STEAP1B: variants seen among roughly 807,000 people sequenced by gnomAD.
STEAP1B encodes STEAP family protein MGC87042.
In STEAP1B, 13 loss-of-function variants were observed where a neutral mutation model predicts 27.9. The ratio of observed to expected loss-of-function variants is 0.47; its 90% CI spans 0.30 to 0.74. The LOEUF (loss-of-function observed/expected upper bound fraction) is 0.74, where lower values mean the gene tolerates loss of function less well. Among genes scored for constraint, STEAP1B ranks in the 30% least tolerant of loss-of-function variants. STEAP1B has a pLI of 0.06. For missense variants in STEAP1B, 250 were observed against 298.7 expected (o/e 0.84, Z 1.20); for synonymous variants, 86 against 107.1 (o/e 0.80, Z 1.22).
rs967655718 is a variant in STEAP1B, at chr7:22,419,610, G to GCT, written c.*192_*193dup. Reference sequence around the variant, plus strand: ...CACAACACATATGGACTTTTTGTTTGCTCTCTCATGAGTCCGCTGGGGGAT... The same window carrying GCT: ...CACAACACATATGGACTTTTTGTTTGCTCTCTCTCATGAGTCCGCTGGGGGAT... On this transcript the variant is annotated 3_prime_UTR_variant, in exon 5 of 5. Coordinates refer to ENST00000678116, the MANE Select transcript of STEAP1B (RefSeq NM_001382447.1). 2.1e-6 allele frequency: 1 copy of GCT among 487,776 alleles called. No homozygotes were observed. Among genetic ancestry groups the GCT allele is most frequent in the African/African-American group, 2.0e-5 (1 of 50,930 alleles). 30.2% of individuals were successfully genotyped at this position (487,776 alleles called of 1,614,324 possible). A position where few individuals can be genotyped will look rare whatever the true frequency, so the allele number is the denominator to read the frequency against.
intron 4 of STEAP1B, among the ~76,000 whole-genome samples, chr7:22,452,198 A>C (rs868117665): frequency 6.6e-6 from 1 of 152,218 alleles, no homozygotes. Context: ...TAAGTAAGGA[A>C]AGACTCTGGA....
chr7:22,464,827 A>G (rs1785745016), intron 4 of STEAP1B, among the ~76,000 whole-genome samples: 1 of 150,598 alleles, frequency 6.6e-6, no homozygotes, highest in Non-Finnish European at 1.5e-5. Context: ...CTGTTAAGAC[A>G]CCAGTCTGGT....
chr7:22,440,659 T>C (rs1416549064), intron 4 of STEAP1B, among the ~76,000 whole-genome samples: 2 of 152,168 alleles, frequency 1.3e-5, no homozygotes, highest in African/African-American at 4.8e-5. Flanking sequence ...TCAAGTTTAT[T>C]AATCACAAAT....
At chr7:22,419,960 C>A (rs1785024851) in intron 4 of STEAP1B, 124 bp from the exon 5 acceptor site, 2 of 1,171,222 alleles carry the variant, frequency 1.7e-6, no homozygotes, top group African/African-American at 1.6e-5. Context: ...TCTAAAGTCA[C>A]CAGGGAGTCA....
Position 22,492,615 on chromosome 7 carries a change from T to A in STEAP1B, c.712A>T (p.Ile238Phe). ...AILALLAVTS[I>F]PSVSDSLTWR... The stretch of plus-strand genomic sequence containing the variant: ...GTCAAAGAGTCACTCACAGATGGAA[T>A]AGATGTCACAGCCAACAGAGCCAGT... Residue 238 changes from isoleucine (I) to phenylalanine (F), a missense_variant, in exon 4 of 5, where the codon ATT (isoleucine) becomes TTT (phenylalanine). By Grantham distance (21) the Ile-to-Phe change is conservative (BLOSUM62 0). Coordinates refer to ENST00000678116, the MANE Select transcript of STEAP1B (RefSeq NM_001382447.1). 3 of 1,613,514 alleles carry A rather than the reference T, an allele frequency of 1.9e-6. No homozygotes were observed. The highest frequency in any genetic ancestry group is 2.2e-5 in the East Asian group (1 of 44,854).
At chr7:22,495,586 A>G (rs1373856255) in intron 1 of STEAP1B, 1 of 152,236 alleles carries the variant, frequency 6.6e-6, no homozygotes, top group African/African-American at 2.4e-5. Context: ...TTAGGGAAAG[A>G]AAACATATGT....
At chr7:22,461,520 C>T (rs964069031) in intron 4 of STEAP1B, among the ~76,000 whole-genome samples, 1 of 152,178 alleles carries the variant, frequency 6.6e-6, no homozygotes, top group African/African-American at 2.4e-5. Flanking sequence ...GCCTCAGCCT[C>T]CCAAAGTGCT....
chr7:22,488,014 G>A (rs1412826486), intron 4 of STEAP1B, among the ~76,000 whole-genome samples: 1 of 152,058 alleles, frequency 6.6e-6, no homozygotes, highest in African/African-American at 2.4e-5. Flanking sequence ...TAACCCATTT[G>A]TGAGGTTGAG....
At chr7:22,493,181 T>C (rs535286723) in intron 3 of STEAP1B, 143 bp downstream of exon 3, 6 of 1,082,232 alleles carry the variant, frequency 5.5e-6, no homozygotes, top group Non-Finnish European at 7.7e-6. Context: ...CCTAGTGTAA[T>C]TATAAGAAAA....
Position 22,488,819 on chromosome 7 carries a change from G to A in STEAP1B, c.762+3746C>T, listed in dbSNP as rs141393520. ...TTACACCCCAGTCATGCAGCCCTCA[G>A]TTTTCTAGCCTTTGAGCCAGTGCAC... On this transcript the variant is annotated intron_variant, in intron 4 of 4. Transcript: ENST00000678116. 1.9e-3 allele frequency among the ~76,000 whole-genome samples: 283 copies of A among 152,286 alleles called. 4 individuals are homozygous for A. The highest frequency in any genetic ancestry group is 4.0e-3 in the Admixed American group (61 of 15,304).
chr7:22,438,000 A>T (rs1785275895), intron 4 of STEAP1B, among the ~76,000 whole-genome samples: 1 of 152,206 alleles, frequency 6.6e-6, no homozygotes, highest in Non-Finnish European at 1.5e-5. Context: ...CATACATTGG[A>T]CATGAACCCT....
At position 22,454,849 on chromosome 7, in the gene STEAP1B, GTATA is replaced by G. The variant is rs1345852147; in HGVS notation, c.763-35017_763-35014del. Among the ~76,000 whole-genome samples, 555 of 100,858 alleles carry G rather than the reference GTATA, an allele frequency of 5.5e-3. 9 individuals carry two copies. The highest frequency in any genetic ancestry group is 0.02 in the African/African-American group (531 of 25,980). 66.2% of individuals were successfully genotyped at this position (100,858 alleles called of 152,430 possible). ...ATATTATATATATATATATATATAT[GTATA>G]TATATATATATATTTTTTTTTTTTT... On this transcript the variant is annotated intron_variant, in intron 4 of 4. Transcript: ENST00000678116.
At chr7:22,466,778 T>C (rs1245332410) in intron 4 of STEAP1B, among the ~76,000 whole-genome samples, 1 of 152,186 alleles carries the variant, frequency 6.6e-6, no homozygotes, top group Non-Finnish European at 1.5e-5. Context: ...TGACAGGGCA[T>C]CCCACCAGAT....
chr7:22,492,833 A>C, intron 3 of STEAP1B, 104 bp from the exon 4 acceptor site: 1 of 1,430,432 alleles, frequency 7.0e-7, no homozygotes, highest in Non-Finnish European at 9.2e-7. Context: ...AAGCCCTGAT[A>C]ACAGGTCTCC....
chr7:22,454,760 T>C (rs922740301), intron 4 of STEAP1B, among the ~76,000 whole-genome samples: 2 of 127,448 alleles, frequency 1.6e-5, no homozygotes, highest in African/African-American at 5.8e-5. Flanking sequence ...AGCAAAACTC[T>C]TCTCCTGCAA....
intron 4 of STEAP1B, among the ~76,000 whole-genome samples, chr7:22,445,127 T>A (rs1785390440): frequency 6.6e-6 from 1 of 152,206 alleles, no homozygotes; most frequent in African/African-American, 2.4e-5. Flanking sequence ...TGGGCAGGGT[T>A]GGCATTGGGA....
At position 22,493,311 on chromosome 7, in the gene STEAP1B, A is replaced by G; in HGVS notation, c.597+13T>C. 6.2e-7 allele frequency: 1 copy of G among 1,600,578 alleles called. No homozygotes were observed. The highest frequency in any genetic ancestry group is 8.5e-7 in the Non-Finnish European group (1 of 1,170,732). On this transcript the variant is annotated intron_variant, in intron 3 of 4. Coordinates refer to ENST00000678116, the MANE Select transcript of STEAP1B (RefSeq NM_001382447.1). ...ACTTTTTATTAGTAACAGTGACATCATTGTCATCTCACCTGTTGATATGCC... is the reference window on the plus strand; with the variant it reads ...ACTTTTTATTAGTAACAGTGACATCGTTGTCATCTCACCTGTTGATATGCC...
At chr7:22,487,286 A>G (rs943035172) in intron 4 of STEAP1B, among the ~76,000 whole-genome samples, 6 of 152,078 alleles carry the variant, frequency 3.9e-5, no homozygotes, top group Admixed American at 3.3e-4. Flanking sequence ...GTGACAGACC[A>G]AGACCCTGTT....
At chr7:22,427,063 C>T (rs2128399115) in intron 4 of STEAP1B, among the ~76,000 whole-genome samples, 1 of 152,296 alleles carries the variant, frequency 6.6e-6, no homozygotes, top group South Asian at 2.1e-4. Flanking sequence ...GTAGCTGGAG[C>T]AGAGTGAACC....
Sources: allele counts gnomAD v4.1 joint callset (sites outside exome capture counted in the v4.1 genomes callset), GRCh38; gene constraint gnomAD v4.1.1; transcripts MANE v1.5; gene names NCBI Gene and HGNC (gene_info 2026-07-23, HGNC 2026-07-21).